DHRS7B: variants seen among roughly 807,000 people sequenced by gnomAD.
The protein encoded by DHRS7B is peroxisomal reductase activating PPAR-gamma.
In DHRS7B, 24 loss-of-function variants were observed where a neutral mutation model predicts 26.4. The observed-to-expected ratio is 0.91, with a 90% CI of 0.66 to 1.28. The LOEUF (loss-of-function observed/expected upper bound fraction) is 1.28. DHRS7B is among the 50% of genes most tolerant of loss of function. The pLI, the probability that DHRS7B is intolerant of heterozygous loss-of-function variation, is 0.00. For missense variants in DHRS7B, 368 were observed against 419.4 expected, an observed-to-expected ratio of 0.88 and a Z score of 1.07; for synonymous variants, 142 against 166.4, an observed-to-expected ratio of 0.85 and a Z score of 1.13.
chr17:21,184,004 C>G (rs1435455504), intron 4 of DHRS7B, among the ~76,000 whole-genome samples, 194 bp downstream of exon 4: 3 of 152,202 alleles, frequency 2.0e-5, no homozygotes, highest in African/African-American at 7.2e-5. Context: ...GTGACAGCCA[C>G]ATTTGTGCAG....
chr17:21,146,079 C>A (rs545562157), intron 1 of DHRS7B, among the ~76,000 whole-genome samples: 32 of 152,306 alleles, frequency 2.1e-4, no homozygotes, highest in African/African-American at 7.7e-4. Flanking sequence ...GTAATAATAT[C>A]ATTTAACTAG....
intron 1 of DHRS7B, among the ~76,000 whole-genome samples, chr17:21,157,932 G>A (rs909100454): frequency 1.3e-5 from 2 of 151,582 alleles, no homozygotes; most frequent in African/African-American, 4.9e-5. Context: ...TTGACAGAGT[G>A]AGACCCTGTC....
chr17:21,178,434 CTG>C (rs1208235412), intron 3 of DHRS7B, 92 bp downstream of exon 3: 1 of 1,045,534 alleles, frequency 9.6e-7, no homozygotes, highest in African/African-American at 1.6e-5. Context: ...GACTGCTGAG[CTG>C]TAGGACATCC....
At chr17:21,138,099 TATAC>T (rs1447102181) in intron 1 of DHRS7B, among the ~76,000 whole-genome samples, 3 of 87,676 alleles carry the variant, frequency 3.4e-5, no homozygotes, top group African/African-American at 1.1e-4. Flanking sequence ...TATATATATA[TATAC>T]ACACACACAC....
intron 1 of DHRS7B, among the ~76,000 whole-genome samples, chr17:21,151,822 C>T (rs1387828429): frequency 6.6e-6 from 1 of 152,154 alleles, no homozygotes; most frequent in Non-Finnish European, 1.5e-5. Context: ...CAATTGTAAT[C>T]CCCAACGTTG....
rs560606352 is a variant in DHRS7B at position 21,144,076 on chromosome 17, G to A, written c.20+17085G>A. On this transcript the variant is annotated intron_variant, in intron 1 of 6. Coordinates refer to ENST00000395511, the MANE Select transcript of DHRS7B (RefSeq NM_015510.5). The stretch of plus-strand genomic sequence containing the variant: ...TCCAGACAATTCTGGGCTTTCTCAT[G>A]ATCTAATTTCTTACTATCAGGTTGA... Among the ~76,000 whole-genome samples the A allele has an allele frequency of 3.9e-5, 6 of 152,302 alleles. No homozygotes were observed. The South Asian group carries it at 1.2e-3, about 32-fold the overall frequency.
chr17:21,188,807 A>G lies in DHRS7B; in HGVS notation c.716A>G (p.Tyr239Cys). ...GAGGTGACCGTCATCAGCCCCGGCTACATCCACACCAACCTCTCTGTAAAT... is the reference window on the plus strand; with the variant it reads ...GAGGTGACCGTCATCAGCCCCGGCTGCATCCACACCAACCTCTCTGTAAAT... ...EIEVTVISPG[Y>C]IHTNLSVNAI... The change falls in exon 6 of 7, where the codon TAC (tyrosine) becomes TGC (cysteine). Residue 239 changes from tyrosine to cysteine, a missense_variant. Tyr to Cys is a radical substitution (Grantham distance 194). Coordinates refer to ENST00000395511, the MANE Select transcript of DHRS7B (RefSeq NM_015510.5). 1 of 1,614,188 alleles carries G rather than the reference A, an allele frequency of 6.2e-7. No individual in the cohort carries two copies. Among genetic ancestry groups the G allele is most frequent in the Non-Finnish European group, 8.5e-7 (1 of 1,180,036 alleles).
chr17:21,162,442 A>G (rs1974019389), intron 1 of DHRS7B, among the ~76,000 whole-genome samples: 1 of 152,186 alleles, frequency 6.6e-6, no homozygotes, highest in African/African-American at 2.4e-5. Context: ...TTTTTCTGTA[A>G]TCTGATGGTA....
intron 1 of DHRS7B, among the ~76,000 whole-genome samples, chr17:21,154,609 T>A (rs560124160): frequency 1.3e-5 from 2 of 152,212 alleles, no homozygotes; most frequent in South Asian, 4.1e-4. Context: ...AGAACAACAT[T>A]GGAAAAAGAA....
chr17:21,183,941 T>C (rs1974572219), intron 4 of DHRS7B, 131 bp downstream of exon 4: 1 of 763,342 alleles, frequency 1.3e-6, no homozygotes, highest in South Asian at 1.7e-5. Context: ...TTAGGTGTTA[T>C]TGTTACAGTT....
intron 1 of DHRS7B, among the ~76,000 whole-genome samples, chr17:21,129,916 A>G (rs998240018): frequency 3.9e-5 from 6 of 152,132 alleles, no homozygotes; most frequent in Admixed American, 6.6e-5. Flanking sequence ...TTTGCTGTAC[A>G]TGTTTTCATA....
In DHRS7B at chr17:21,166,082, C is replaced by T. The variant is rs916649501; in HGVS notation, c.21-5936C>T. The T allele has an allele frequency of 1.2e-5, 11 of 900,084 alleles. No individual in the cohort carries two copies. The African/African-American group carries it at 1.6e-4, about 13-fold the overall frequency. 55.8% of individuals were successfully genotyped at this position (900,084 alleles called of 1,614,324 possible). A position where few individuals can be genotyped will look rare whatever the true frequency, so the allele number is the denominator to read the frequency against. On this transcript the variant is annotated intron_variant, in intron 1 of 6. Transcript: ENST00000395511. ...GTTCATTGTCACCGCACTCCTGTGC[C>T]ATCATATTACAGGGCCCGGGGCTGG...
intron 1 of DHRS7B, among the ~76,000 whole-genome samples, chr17:21,134,255 C>T (rs1031292650): frequency 3.9e-5 from 6 of 152,150 alleles, no homozygotes; most frequent in African/African-American, 1.4e-4. Context: ...TATACTTGAC[C>T]TAATTATTTG....
intron 3 of DHRS7B, among the ~76,000 whole-genome samples, chr17:21,182,465 T>G (rs1408856346): frequency 6.6e-6 from 1 of 152,188 alleles, no homozygotes; most frequent in African/African-American, 2.4e-5. Context: ...GTCAGGCTAG[T>G]CTTGAACTCC....
chr17:21,130,684 A>C (rs1293420095), intron 1 of DHRS7B, among the ~76,000 whole-genome samples: 4 of 152,216 alleles, frequency 2.6e-5, no homozygotes, highest in African/African-American at 9.6e-5. Flanking sequence ...TAAAATTTTT[A>C]CTATATGTTT....
intron 1 of DHRS7B, among the ~76,000 whole-genome samples, chr17:21,153,341 A>T (rs965895414): frequency 2.0e-5 from 3 of 152,208 alleles, no homozygotes; most frequent in Admixed American, 2.0e-4. Context: ...AACTTCCAAA[A>T]CTTAAAAGCA....
intron 1 of DHRS7B, among the ~76,000 whole-genome samples, chr17:21,169,658 T>A (rs748569027): frequency 6.6e-6 from 1 of 152,198 alleles, no homozygotes; most frequent in Non-Finnish European, 1.5e-5. Context: ...AGCGACAGGC[T>A]GCATACTTGG....
chr17:21,132,672 A>T (rs1973265505), intron 1 of DHRS7B, among the ~76,000 whole-genome samples: 1 of 152,046 alleles, frequency 6.6e-6, no homozygotes, highest in African/African-American at 2.4e-5. Flanking sequence ...ATTGGCTGAG[A>T]CTGGGCTACT....
intron 1 of DHRS7B, among the ~76,000 whole-genome samples, chr17:21,143,216 C>A (rs1474718011): frequency 6.6e-6 from 1 of 152,088 alleles, no homozygotes; most frequent in Non-Finnish European, 1.5e-5. Context: ...TGTGAGCCAC[C>A]GCACCCAGCC....
Sources: allele counts gnomAD v4.1 joint callset (sites outside exome capture counted in the v4.1 genomes callset), GRCh38; gene constraint gnomAD v4.1.1; transcripts MANE v1.5; gene names NCBI Gene and HGNC (gene_info 2026-07-23, HGNC 2026-07-21).